The following SPECC1 variants were observed in gnomAD, a reference collection of about 807,000 sequenced individuals.
The protein encoded by SPECC1 is cytospin-B.
SPECC1 carries 62 observed loss-of-function variants against 104.1 expected under a neutral mutation model. The observed-to-expected ratio is 0.60, with a 90% CI of 0.49 to 0.74. SPECC1 has a LOEUF of 0.74. SPECC1 is among the 30% of genes least tolerant of loss of function. SPECC1 has a pLI of 0.00. For synonymous variants in SPECC1, 513 were observed against 501.6 expected (o/e 1.02, Z -0.30); for missense variants, 1,306 against 1,310.5 (o/e 1.00, Z 0.05).
rs1328633688 is a variant in SPECC1 at position 20,134,676 on chromosome 17, C to T, written c.283+24114C>T. ...ATGTTGCCCAGGCTAGTCTCCAACT[C>T]CTGGGTTCAAGCCATCCTCCTGCCT... On this transcript the variant is annotated intron_variant, in intron 3 of 14. Coordinates refer to ENST00000395527, the MANE Select transcript of SPECC1 (RefSeq NM_001243439.2). Among the ~76,000 whole-genome samples the T allele has an allele frequency of 2.0e-5, 3 of 152,046 alleles. No individual in the cohort carries two copies. The East Asian group carries it at 5.8e-4, about 29-fold the overall frequency.
At chr17:20,039,650 G>A (rs553807452) in intron 1 of SPECC1, among the ~76,000 whole-genome samples, 2 of 152,230 alleles carry the variant, frequency 1.3e-5, no homozygotes, top group African/African-American at 4.8e-5. Flanking sequence ...TGCTGCCCGG[G>A]TTCAAGCAGT....
chr17:20,202,082 C>T (rs557966752), intron 3 of SPECC1, among the ~76,000 whole-genome samples: 5 of 152,306 alleles, frequency 3.3e-5, no homozygotes, highest in Admixed American at 2.6e-4. Context: ...TATGCACACA[C>T]AGACTGTACA....
intron 3 of SPECC1, among the ~76,000 whole-genome samples, chr17:20,161,712 G>C (rs1194000750): frequency 6.6e-6 from 1 of 152,048 alleles, no homozygotes; most frequent in Non-Finnish European, 1.5e-5. Context: ...GTCTTTTGCA[G>C]ACTGTAAGAG....
rs913570689 is a variant in SPECC1 at position 20,016,838 on chromosome 17, C to T, written c.-22+7414C>T. Reference sequence around the variant, plus strand: ...CAGGGCGCGGGACTGGCAGGCAGCTCCACCTGTGGCACTGATGCCGGATCC... The same window carrying T: ...CAGGGCGCGGGACTGGCAGGCAGCTTCACCTGTGGCACTGATGCCGGATCC... On this transcript the variant is annotated intron_variant, in intron 1 of 14. Coordinates refer to ENST00000395527, the MANE Select transcript of SPECC1 (RefSeq NM_001243439.2). Among the ~76,000 whole-genome samples, 4 of 152,232 alleles carry T rather than the reference C, an allele frequency of 2.6e-5. No homozygotes were observed. The East Asian group carries it at 7.7e-4, about 29-fold the overall frequency.
intron 11 of SPECC1, 145 bp downstream of exon 11, chr17:20,257,752 G>A (rs2039886556): frequency 8.9e-7 from 1 of 1,123,004 alleles, no homozygotes; most frequent in East Asian, 2.6e-5. Flanking sequence ...TGCCCTTGGT[G>A]AGTCTAAAAG....
chr17:20,129,674 C>T (rs1372630314), intron 3 of SPECC1, among the ~76,000 whole-genome samples: 1 of 152,164 alleles, frequency 6.6e-6, no homozygotes, highest in African/African-American at 2.4e-5. Flanking sequence ...TGCTAATTTT[C>T]CCTTCTATAG....
intron 3 of SPECC1, among the ~76,000 whole-genome samples, chr17:20,195,015 A>G (rs1255528042): frequency 1.3e-5 from 2 of 152,200 alleles, no homozygotes; most frequent in Admixed American, 6.5e-5. Flanking sequence ...AAGGATCAGT[A>G]GTGTTTTATG....
rs1312004800 is a variant in SPECC1, at chr17:20,251,852, A to G, written c.2599-1653A>G. Among the ~76,000 whole-genome samples, 4 of 152,284 alleles carry G rather than the reference A, an allele frequency of 2.6e-5. No individual in the cohort carries two copies. In the East Asian group the frequency reaches 5.8e-4, roughly 22 times the overall value. On this transcript the variant is annotated intron_variant, in intron 9 of 14. Coordinates refer to ENST00000395527, the MANE Select transcript of SPECC1 (RefSeq NM_001243439.2). ...GGTAAGTACGTTTAGTATCGTTGCC[A>G]TTTTATAAATAAAGAAAATAAGGCA...
At chr17:20,307,022 A>G (rs1176869803) in intron 14 of SPECC1, among the ~76,000 whole-genome samples, 1 of 152,270 alleles carries the variant, frequency 6.6e-6, no homozygotes, top group Non-Finnish European at 1.5e-5. Context: ...ATTTGTAAAA[A>G]GAATCTAACA....
intron 1 of SPECC1, among the ~76,000 whole-genome samples, chr17:20,020,652 A>T (rs1421754184): frequency 6.6e-6 from 1 of 151,956 alleles, no homozygotes; most frequent in African/African-American, 2.4e-5. Context: ...TTGGTTTTAG[A>T]CCTCAGGTGT....
intron 5 of SPECC1, among the ~76,000 whole-genome samples, chr17:20,227,915 G>A (rs1393549251): frequency 6.6e-6 from 1 of 152,096 alleles, no homozygotes; most frequent in African/African-American, 2.4e-5. Flanking sequence ...CAGGAGAAAT[G>A]TGGAATGGAG....
At chr17:20,271,437 T>G (rs2040402653) in intron 12 of SPECC1, among the ~76,000 whole-genome samples, 1 of 152,198 alleles carries the variant, frequency 6.6e-6, no homozygotes, top group Admixed American at 6.5e-5. Flanking sequence ...ATTCATAGAT[T>G]AGCCATGTAG....
intron 4 of SPECC1, among the ~76,000 whole-genome samples, chr17:20,207,000 A>G (rs1350769806): frequency 6.6e-6 from 1 of 152,110 alleles, no homozygotes; most frequent in Admixed American, 6.5e-5. Context: ...TTTTGATGCA[A>G]GAATTGTGGT....
chr17:20,266,590 T>A (rs980103064), intron 12 of SPECC1, among the ~76,000 whole-genome samples: 3 of 151,810 alleles, frequency 2.0e-5, no homozygotes, highest in African/African-American at 4.8e-5. Context: ...TCTCAAAAAA[T>A]ATATATATAT....
rs192973351 is a variant in SPECC1, at chr17:20,316,301, G to A, written c.*2236G>A. 118 of 231,204 alleles carry A rather than the reference G, an allele frequency of 5.1e-4. No individual in the cohort carries two copies. Among genetic ancestry groups the A allele is most frequent in the Middle Eastern group, 1.3e-3 (1 of 778 alleles). The allele number at this position is 231,204 out of a possible 1,614,324, so 14.3% of individuals were successfully genotyped here. On this transcript the variant is annotated 3_prime_UTR_variant, in exon 15 of 15. Transcript: ENST00000395527. The stretch of plus-strand genomic sequence containing the variant: ...TTAGTCCAGGGTTTTATGTGGGGAG[G>A]CAGTTGCTGTCTTGGGATACCCGGA...
At chr17:20,216,449 A>G (rs1053376575) in intron 4 of SPECC1, among the ~76,000 whole-genome samples, 4 of 152,030 alleles carry the variant, frequency 2.6e-5, no homozygotes, top group Non-Finnish European at 4.4e-5. Context: ...GCTTAACTTT[A>G]TCTTCCGAGT....
intron 1 of SPECC1, among the ~76,000 whole-genome samples, chr17:20,032,692 T>A (rs1312409622): frequency 1.3e-5 from 2 of 152,118 alleles, no homozygotes; most frequent in Admixed American, 6.5e-5. Flanking sequence ...TTTCCTTTTT[T>A]AATCACGCTT....
intron 12 of SPECC1, among the ~76,000 whole-genome samples, chr17:20,278,889 A>G (rs929153728): frequency 5.3e-5 from 8 of 152,176 alleles, no homozygotes; most frequent in Admixed American, 2.0e-4. Flanking sequence ...TTCAAAATAA[A>G]ATGTTATAAG....
At chr17:20,046,641 G>A (rs1049752419) in intron 1 of SPECC1, among the ~76,000 whole-genome samples, 1 of 152,170 alleles carries the variant, frequency 6.6e-6, no homozygotes, top group Non-Finnish European at 1.5e-5. Flanking sequence ...ATGGGGTCAA[G>A]GGGAGTATGT....
Sources: allele counts gnomAD v4.1 joint callset (sites outside exome capture counted in the v4.1 genomes callset), GRCh38; gene constraint gnomAD v4.1.1; transcripts MANE v1.5; gene names NCBI Gene and HGNC (gene_info 2026-07-23, HGNC 2026-07-21).